Variants in PKHD1L1 observed in about 807,000 individuals in gnomAD.
PKHD1L1 encodes the protein fibrocystin-L.
PKHD1L1 carries 434 observed loss-of-function variants against 462.9 expected under a neutral mutation model. That is an observed-to-expected ratio of 0.94 (90% confidence interval 0.87 to 1.02). The LOEUF is 1.02. Ranked by LOEUF, PKHD1L1 falls within the 50% of genes least tolerant of loss-of-function variation. The probability of loss-of-function intolerance (pLI) is 0.00; values close to 1 mark genes in which losing one functional copy is unlikely to be tolerated. For synonymous variants in PKHD1L1, 1,781 were observed against 1,750.0 expected (o/e 1.02, Z -0.44); for missense variants, 5,202 against 5,096.1 (o/e 1.02, Z -0.63).
chr8:109,479,612 C>G lies in PKHD1L1; in HGVS notation c.9151C>G (p.Pro3051Ala), dbSNP rs759050996. The G allele has an allele frequency of 6.6e-6, 10 of 1,524,508 alleles. No homozygotes were observed. The African/African-American group carries it at 1.4e-4, about 21-fold the overall frequency. 94.4% of individuals were successfully genotyped at this position (1,524,508 alleles called of 1,614,324 possible). A position where few individuals can be genotyped will look rare whatever the true frequency, so the allele number is the denominator to read the frequency against. Reference protein sequence around the residue: ...SRENNYTVPHPGANVIIPEGT... With the variant: ...SRENNYTVPHAGANVIIPEGT... ...AGAAAATAATTATACTGTACCTCAC[C>G]CAGGGGCAAATGTGATTATACCTGA... The change falls in exon 54 of 78, where the codon CCA becomes GCA. Residue 3051 changes from proline (P) to alanine (A), a missense_variant. Coordinates refer to ENST00000378402, the MANE Select transcript of PKHD1L1 (RefSeq NM_177531.6).
In PKHD1L1 at chr8:109,381,443, T is replaced by C. The variant is rs1318008006; in HGVS notation, c.237T>C (p.Ser79=). 2 of 1,583,176 alleles carry C rather than the reference T, an allele frequency of 1.3e-6. No homozygotes were observed. The highest frequency in any genetic ancestry group is 1.7e-6 in the Non-Finnish European group (2 of 1,162,394). The change falls in exon 3 of 78, where the codon TCT becomes TCC. Residue 79 remains serine, a synonymous_variant. Coordinates refer to ENST00000378402, the MANE Select transcript of PKHD1L1 (RefSeq NM_177531.6). ...TGGGAAACAGTGTGCAATTAATTTC[T>C]TCTTTCCAGTCAATTACTTGTGATG... is the stretch of plus-strand genomic sequence containing the variant. ...AELGNSVQLI[S]SFQSITCDVE...
chr8:109,413,673 C>T (rs370581337), intron 21 of PKHD1L1, 128 bp downstream of exon 21: 1 of 583,044 alleles, frequency 1.7e-6, no homozygotes. Flanking sequence ...ATAATGCACA[C>T]AATGGATGTA....
intron 42 of PKHD1L1, 34 bp from the exon 43 acceptor site, chr8:109,452,684 C>T (rs1816599716): frequency 7.5e-7 from 1 of 1,336,466 alleles, no homozygotes; most frequent in Non-Finnish European, 9.6e-7. Context: ...TGGTAAAATC[C>T]CTAAATTTTA....
chr8:109,475,847 C>CAA (rs35419700), intron 51 of PKHD1L1, among the ~76,000 whole-genome samples: 36,748 of 94,612 alleles, frequency 0.39, 6,090 homozygotes, highest in South Asian at 0.53. Context: ...GACTCCATCT[C>CAA]AAAAAAAAAA....
At position 109,405,092 on chromosome 8, in the gene PKHD1L1, T is replaced by G; in HGVS notation, c.1631T>G (p.Leu544Arg). 1 of 1,507,198 alleles carries G rather than the reference T, an allele frequency of 6.6e-7. No homozygotes were observed. The highest frequency in any genetic ancestry group is 9.1e-7 in the Non-Finnish European group (1 of 1,103,978). 93.4% of individuals were successfully genotyped at this position (1,507,198 alleles called of 1,614,324 possible). Reference sequence around the variant, plus strand: ...TGTGTGGAAGCTAATTCATGTTCACTTTACCAATATAGATTAATCTATAAT... The same window carrying G: ...TGTGTGGAAGCTAATTCATGTTCACGTTACCAATATAGATTAATCTATAAT... ...SPCVEANSCS[L>R]YQYRLIYNME... The change falls in exon 16 of 78, where the codon CTT (leucine) becomes CGT (arginine). Residue 544 changes from leucine (L) to arginine (R), a missense_variant. Physicochemically the swap from Leu to Arg is moderately radical, Grantham distance 102 (BLOSUM62 -2). Around this residue, in one of 3 missense-constraint regions of PKHD1L1, gnomAD observed 4,497 missense variants for 4,336.8 expected, o/e 1.04. Transcript: ENST00000378402.
chr8:109,448,003 A>G (rs1563554820), intron 38 of PKHD1L1, 140 bp from the exon 39 acceptor site: 14 of 712,730 alleles, frequency 2.0e-5, no homozygotes, highest in Non-Finnish European at 2.7e-5. Flanking sequence ...ATTGTATGAC[A>G]TAGCATGTAT....
At chr8:109,398,199 A>G (rs1813074511) in intron 11 of PKHD1L1, among the ~76,000 whole-genome samples, 1 of 152,132 alleles carries the variant, frequency 6.6e-6, no homozygotes, top group African/African-American at 2.4e-5. Flanking sequence ...TAGTATTATC[A>G]AATTTTTTAT....
intron 49 of PKHD1L1, among the ~76,000 whole-genome samples, chr8:109,465,942 A>G (rs990102879): frequency 6.6e-6 from 1 of 152,226 alleles, no homozygotes; most frequent in African/African-American, 2.4e-5. Context: ...ATGATAAAAA[A>G]TCTGTCTAAA....
Position 109,364,643 on chromosome 8 carries a change from T to C in PKHD1L1, c.163+7T>C. ...CTGACTATAAGAGGGGAAGGTATCGTTGCTTTTTTTTTTTTTTTTTTGCCA... is the reference window on the plus strand; with the variant it reads ...CTGACTATAAGAGGGGAAGGTATCGCTGCTTTTTTTTTTTTTTTTTTGCCA... On this transcript the variant is annotated splice_region_variant and intron_variant, in intron 2 of 77. Coordinates refer to ENST00000378402, the MANE Select transcript of PKHD1L1 (RefSeq NM_177531.6). 1.4e-6 allele frequency: 2 copies of C among 1,431,316 alleles called. No individual in the cohort carries two copies. Among genetic ancestry groups the C allele is most frequent in the Non-Finnish European group, 1.9e-6 (2 of 1,071,284 alleles). The allele number at this position is 1,431,316 out of a possible 1,614,324, so 88.7% of individuals were successfully genotyped here.
intron 6 of PKHD1L1, among the ~76,000 whole-genome samples, chr8:109,387,034 T>C (rs1812479171): frequency 6.6e-6 from 1 of 152,080 alleles, no homozygotes. Flanking sequence ...GGCAAGAAAG[T>C]CTTGGAGCTG....
At chr8:109,488,156 A>C (rs1818650919) in intron 59 of PKHD1L1, among the ~76,000 whole-genome samples, 1 of 151,980 alleles carries the variant, frequency 6.6e-6, no homozygotes, top group Non-Finnish European at 1.5e-5. Context: ...GCACTGAAAA[A>C]TAGTTCATAT....
At chr8:109,441,976 T>G (rs1372537940) in intron 34 of PKHD1L1, 31 bp from the exon 35 acceptor site, 2 of 1,502,168 alleles carry the variant, frequency 1.3e-6, no homozygotes, top group Non-Finnish European at 8.9e-7. Flanking sequence ...TCTCTTTTTC[T>G]TTTAAAATAT....
rs1407600607 is a variant in PKHD1L1, at chr8:109,464,623, T to C, written c.7791T>C (p.Tyr2597=). 1.2e-6 allele frequency: 2 copies of C among 1,612,688 alleles called. No homozygotes were observed. Among genetic ancestry groups the C allele is most frequent in the South Asian group, 2.2e-5 (2 of 91,080 alleles). ...RMNNHPDGPS[Y]DRNICQKRVP... is the part of the protein sequence containing the mutation. ...ACAACCACCCTGATGGGCCATCCTA[T>C]GACAGAAACATTTGTCAAAAAAGAG... The change falls in exon 49 of 78, where the codon TAT becomes TAC. Residue 2597 remains tyrosine, a synonymous_variant. Transcript: ENST00000378402.
intron 40 of PKHD1L1, among the ~76,000 whole-genome samples, chr8:109,450,117 G>T (rs1470536806): frequency 2.0e-5 from 3 of 152,162 alleles, no homozygotes; most frequent in African/African-American, 7.2e-5. Flanking sequence ...TACTTACTGT[G>T]TAACCCTAGC....
In PKHD1L1 at chr8:109,532,333, T is replaced by C. The variant is rs1821060007; in HGVS notation, c.*2243T>C. Reference sequence around the variant, plus strand: ...ATTCTAGAATTATCATAATAATTCCTTATTCCAGATAAATTACAATTTAAT... The same window carrying C: ...ATTCTAGAATTATCATAATAATTCCCTATTCCAGATAAATTACAATTTAAT... On this transcript the variant is annotated 3_prime_UTR_variant, in exon 78 of 78. Coordinates refer to ENST00000378402, the MANE Select transcript of PKHD1L1 (RefSeq NM_177531.6). Among the ~76,000 whole-genome samples, 2 of 152,358 alleles carry C rather than the reference T, an allele frequency of 1.3e-5. No individual in the cohort carries two copies. The highest frequency in any genetic ancestry group is 3.4e-3 in the Middle Eastern group (1 of 294).
intron 71 of PKHD1L1, among the ~76,000 whole-genome samples, chr8:109,513,721 G>A (rs1438103778): frequency 6.6e-6 from 1 of 152,006 alleles, no homozygotes; most frequent in Non-Finnish European, 1.5e-5. Flanking sequence ...ACAAAACCTT[G>A]GAACCACTCT....
intron 46 of PKHD1L1, among the ~76,000 whole-genome samples, chr8:109,456,920 G>A (rs1816857744): frequency 6.6e-6 from 1 of 152,076 alleles, no homozygotes; most frequent in Admixed American, 6.6e-5. Context: ...TATACAAAAA[G>A]TGATGATTCA....
In PKHD1L1 at chr8:109,536,014, T is replaced by C. The variant is rs900559520; in HGVS notation, c.*5924T>C. On this transcript the variant is annotated 3_prime_UTR_variant, in exon 78 of 78. Transcript: ENST00000378402. Reference sequence around the variant, plus strand: ...AACAAAGAAGGTAGAAGCGGGGGTATGGAGGGTTGACTTCTGGCTGTCCCT... The same window carrying C: ...AACAAAGAAGGTAGAAGCGGGGGTACGGAGGGTTGACTTCTGGCTGTCCCT... Among the ~76,000 whole-genome samples, 1 of 152,178 alleles carries C rather than the reference T, an allele frequency of 6.6e-6. No homozygotes were observed. The highest frequency in any genetic ancestry group is 1.5e-5 in the Non-Finnish European group (1 of 68,030).
chr8:109,441,522 A>G (rs1292842037), intron 34 of PKHD1L1, 143 bp downstream of exon 34: 2 of 616,556 alleles, frequency 3.2e-6, no homozygotes, highest in African/African-American at 3.8e-5. Context: ...ACTGCTTGAC[A>G]TAGAGGGTCA....
Sources: gnomAD v4.1 joint callset for allele counts (sites outside exome capture counted in the v4.1 genomes callset) on GRCh38, gnomAD v4.1.1 for gene constraint, gnomAD v4.1.1 regional missense constraint, MANE v1.5 for transcripts, NCBI Gene and HGNC (gene_info 2026-07-23, HGNC 2026-07-21) for gene names.